PPARGC1A: variants seen among roughly 807,000 people sequenced by gnomAD.
PPARGC1A encodes the protein PPARG coactivator 1 alpha, also known as peroxisome proliferator-activated receptor gamma coactivator 1-alpha.
A neutral mutation model predicts 88.7 loss-of-function variants in PPARGC1A; 25 were observed. The ratio of observed to expected loss-of-function variants is 0.28; its 90% CI spans 0.21 to 0.39. The LOEUF (loss-of-function observed/expected upper bound fraction) is 0.39. PPARGC1A is among the 10% of genes least tolerant of loss of function. The pLI is 1.00. For missense variants in PPARGC1A, 880 were observed against 968.7 expected (o/e 0.91, Z 1.22); for synonymous variants, 363 against 355.6 (o/e 1.02, Z -0.24).
the PPARGC1A span, among the ~76,000 whole-genome samples, chr4:24,112,931 C>G: frequency 6.6e-6 from 1 of 152,292 alleles, no homozygotes; most frequent in African/African-American, 2.4e-5. Flanking sequence ...CTGTCAAAAA[C>G]AACTCCTAAG....
chr4:24,327,871 C>G, the PPARGC1A span, among the ~76,000 whole-genome samples: 1 of 152,140 alleles, frequency 6.6e-6, no homozygotes, highest in African/African-American at 2.4e-5. Context: ...CTGTGACTTG[C>G]ACGTGTATGC....
upstream of PPARGC1A, among the ~76,000 whole-genome samples, chr4:23,906,959 T>C (rs1221717263): frequency 6.6e-6 from 1 of 152,148 alleles, no homozygotes; most frequent in Non-Finnish European, 1.5e-5. Flanking sequence ...TTTGGGAACT[T>C]TGTGGCTCTG....
At chr4:23,873,214 A>AAAAAAAAAAAAAAAAAAAAG (rs1324291868) in intron 2 of PPARGC1A, among the ~76,000 whole-genome samples, 1 of 145,748 alleles carries the variant, frequency 6.9e-6, no homozygotes, top group Non-Finnish European at 1.5e-5. Context: ...AAAAAATAAA[A>AAAAAAAAAAAAAAAAAAAAG]AATAAAAAAT....
At chr4:24,036,823 T>C in the PPARGC1A span, among the ~76,000 whole-genome samples, 1 of 152,224 alleles carries the variant, frequency 6.6e-6, no homozygotes, top group Non-Finnish European at 1.5e-5. Flanking sequence ...GCTGTATAAC[T>C]AAGATTAATG....
the PPARGC1A span, among the ~76,000 whole-genome samples, chr4:24,103,591 C>A: frequency 1.1e-5 from 1 of 87,636 alleles, no homozygotes; most frequent in African/African-American, 5.3e-5. Flanking sequence ...TTAATGCCTT[C>A]TTCCAAAAAA....
At chr4:24,387,581 G>A in the PPARGC1A span, among the ~76,000 whole-genome samples, 1 of 151,730 alleles carries the variant, frequency 6.6e-6, no homozygotes, top group African/African-American at 2.4e-5. Context: ...AAAATTAGCT[G>A]AGCATGGTAG....
At chr4:24,218,483 T>C in the PPARGC1A span, among the ~76,000 whole-genome samples, 2 of 152,178 alleles carry the variant, frequency 1.3e-5, no homozygotes, top group African/African-American at 4.8e-5. Context: ...CGGAGGTAGC[T>C]GTCATCAGCA....
the PPARGC1A span, among the ~76,000 whole-genome samples, chr4:24,120,097 A>G: frequency 2.0e-5 from 3 of 152,206 alleles, no homozygotes; most frequent in Non-Finnish European, 4.4e-5. Context: ...ATTTGGTCTT[A>G]TGTAATATTT....
At chr4:24,372,884 G>A in the PPARGC1A span, among the ~76,000 whole-genome samples, 1 of 152,198 alleles carries the variant, frequency 6.6e-6, no homozygotes. Context: ...TGGAAGTGAA[G>A]GAGGTTCTGT....
chr4:24,320,022 G>C, the PPARGC1A span, among the ~76,000 whole-genome samples: 1 of 152,080 alleles, frequency 6.6e-6, no homozygotes. Flanking sequence ...AGAAAATACC[G>C]ACATCAGACA....
the PPARGC1A span, among the ~76,000 whole-genome samples, chr4:23,969,597 G>C: frequency 3.3e-4 from 50 of 152,278 alleles, 1 homozygote; most frequent in Admixed American, 2.9e-3. Context: ...GAAGTATTAA[G>C]TATTTTGGAA....
the PPARGC1A span, among the ~76,000 whole-genome samples, chr4:24,165,829 G>C: frequency 6.6e-6 from 1 of 152,004 alleles, no homozygotes; most frequent in African/African-American, 2.4e-5. Context: ...TTCTCCTCAG[G>C]CCTCCCTATT....
At chr4:24,020,252 G>C in the PPARGC1A span, among the ~76,000 whole-genome samples, 1 of 152,060 alleles carries the variant, frequency 6.6e-6, no homozygotes, top group Non-Finnish European at 1.5e-5. Flanking sequence ...CTAAGAAATC[G>C]CTTTCCTAAA....
At chr4:23,979,241 A>T in the PPARGC1A span, among the ~76,000 whole-genome samples, 12 of 152,344 alleles carry the variant, frequency 7.9e-5, no homozygotes, top group Admixed American at 7.8e-4. Flanking sequence ...AAAACCATTA[A>T]TAAAAATTTA....
chr4:23,943,396 T>TTC, the PPARGC1A span, among the ~76,000 whole-genome samples: 1 of 151,908 alleles, frequency 6.6e-6, no homozygotes, highest in East Asian at 1.9e-4. Flanking sequence ...TTTTTTTTTT[T>TTC]TTCTAAATAC....
chr4:24,107,016 C>T, the PPARGC1A span, among the ~76,000 whole-genome samples: 3 of 152,142 alleles, frequency 2.0e-5, no homozygotes, highest in Non-Finnish European at 4.4e-5. Context: ...CTGGAAAAGC[C>T]ATGATAAAAA....
At chr4:24,408,688 C>T in the PPARGC1A span, among the ~76,000 whole-genome samples, 1 of 152,208 alleles carries the variant, frequency 6.6e-6, no homozygotes, top group Non-Finnish European at 1.5e-5. Flanking sequence ...CTGACACCTC[C>T]ACCTGAGTCC....
At chr4:24,235,882 G>A in the PPARGC1A span, among the ~76,000 whole-genome samples, 1 of 152,140 alleles carries the variant, frequency 6.6e-6, no homozygotes, top group African/African-American at 2.4e-5. Context: ...GAAAAGGAGA[G>A]CAGAAAGTGT....
chr4:23,994,828 T>C, the PPARGC1A span, among the ~76,000 whole-genome samples: 1 of 152,244 alleles, frequency 6.6e-6, no homozygotes, highest in Admixed American at 6.5e-5. Flanking sequence ...CCAAATGATG[T>C]TGATCATTGC....
Sources: gnomAD v4.1 joint callset for allele counts (sites outside exome capture counted in the v4.1 genomes callset) on GRCh38, gnomAD v4.1.1 for gene constraint, MANE v1.5 for transcripts, NCBI Gene and HGNC (gene_info 2026-07-23, HGNC 2026-07-21) for gene names.